Variants in AGBL4 observed in about 807,000 individuals in gnomAD.
The protein encoded by AGBL4 is AGBL carboxypeptidase 4.
AGBL4 carries 58 observed loss-of-function variants against 66.4 expected under a neutral mutation model. The ratio of observed to expected loss-of-function variants is 0.87; its 90% CI spans 0.71 to 1.09. AGBL4 has a LOEUF of 1.09. AGBL4 is among the 50% of genes least tolerant of loss of function. The probability of loss-of-function intolerance (pLI) is 0.00; values close to 1 mark genes in which losing one functional copy is unlikely to be tolerated. For synonymous variants in AGBL4, 234 were observed against 222.9 expected (o/e 1.05, Z -0.44); for missense variants, 579 against 631.0 (o/e 0.92, Z 0.88).
At chr1:49,057,355 C>T (rs1644326347) in intron 4 of AGBL4, among the ~76,000 whole-genome samples, 1 of 152,110 alleles carries the variant, frequency 6.6e-6, no homozygotes, top group South Asian at 2.1e-4. Flanking sequence ...GAGGTTCAGG[C>T]TGCAGTGAGC....
intron 2 of AGBL4, among the ~76,000 whole-genome samples, chr1:49,737,318 G>A (rs1174841110): frequency 6.6e-6 from 1 of 152,072 alleles, no homozygotes; most frequent in Non-Finnish European, 1.5e-5. Context: ...TAAAGAAAAT[G>A]CGGTACATAT....
intron 3 of AGBL4, among the ~76,000 whole-genome samples, chr1:49,431,084 G>A (rs1021544331): frequency 6.6e-6 from 1 of 152,126 alleles, no homozygotes; most frequent in Non-Finnish European, 1.5e-5. Context: ...ATAATAAATA[G>A]TGCTGCTATG....
intron 3 of AGBL4, among the ~76,000 whole-genome samples, chr1:49,248,174 A>G (rs1651789936): frequency 6.6e-6 from 1 of 152,226 alleles, no homozygotes; most frequent in Admixed American, 6.5e-5. Flanking sequence ...ATGAATAAGA[A>G]GATGTGGCAT....
At chr1:49,123,014 C>A (rs7552174) in intron 4 of AGBL4, among the ~76,000 whole-genome samples, 6,381 of 152,020 alleles carry the variant, frequency 0.042, 172 homozygotes, top group East Asian at 0.074. Flanking sequence ...CAACCATGCC[C>A]AGCTAATTTT....
chr1:49,154,476 T>C (rs1377982025), intron 4 of AGBL4, among the ~76,000 whole-genome samples: 8 of 152,126 alleles, frequency 5.3e-5, no homozygotes, highest in Non-Finnish European at 1.2e-4. Flanking sequence ...TAGACTGACC[T>C]CAACACTGCA....
At chr1:48,650,764 T>C (rs1302645523) in intron 8 of AGBL4, among the ~76,000 whole-genome samples, 3 of 152,182 alleles carry the variant, frequency 2.0e-5, no homozygotes, top group African/African-American at 7.2e-5. Context: ...ACAGGGAGGA[T>C]GTGGACCCCC....
At chr1:48,861,932 C>A (rs1267779768) in intron 6 of AGBL4, among the ~76,000 whole-genome samples, 1 of 152,174 alleles carries the variant, frequency 6.6e-6, no homozygotes, top group Non-Finnish European at 1.5e-5. Flanking sequence ...CTCTTCTTTT[C>A]TCATTTCCCT....
intron 4 of AGBL4, among the ~76,000 whole-genome samples, chr1:49,215,326 G>A (rs910864495): frequency 6.6e-6 from 1 of 152,034 alleles, no homozygotes; most frequent in Non-Finnish European, 1.5e-5. Flanking sequence ...GAATGTAAGG[G>A]CACCAAATCT....
rs569651469 is a variant in AGBL4, at chr1:49,340,402, G to T, written c.283-94538C>A. Among the ~76,000 whole-genome samples, 17 of 152,068 alleles carry T rather than the reference G, an allele frequency of 1.1e-4. No homozygotes were observed. In the South Asian group the frequency reaches 3.5e-3, roughly 32 times the overall value. ...ATTTAGCCTCTAGTGTTAATAAATT[G>T]ACACTGTTTTTTAATAAAGCCAAAT... On this transcript the variant is annotated intron_variant, in intron 3 of 13. Coordinates refer to ENST00000371839, the MANE Select transcript of AGBL4 (RefSeq NM_032785.4).
intron 6 of AGBL4, among the ~76,000 whole-genome samples, chr1:48,729,107 A>AT (rs150746810): frequency 0.019 from 2,817 of 150,852 alleles, 81 homozygotes; most frequent in African/African-American, 0.057. Context: ...ACTACAGAGC[A>AT]TTTTTTTTTA....
chr1:49,053,554 A>C (rs1644257797), intron 4 of AGBL4, among the ~76,000 whole-genome samples: 1 of 152,190 alleles, frequency 6.6e-6, no homozygotes, highest in African/African-American at 2.4e-5. Flanking sequence ...GTGGAAAATA[A>C]TTGGTTAGGA....
chr1:48,746,610 G>A (rs1366505671), intron 6 of AGBL4, among the ~76,000 whole-genome samples: 1 of 152,200 alleles, frequency 6.6e-6, no homozygotes, highest in Non-Finnish European at 1.5e-5. Context: ...CTCCTTCCAG[G>A]ACATTGTCTA....
intron 5 of AGBL4, among the ~76,000 whole-genome samples, chr1:48,903,133 A>G (rs955138320): frequency 1.3e-5 from 2 of 152,216 alleles, no homozygotes; most frequent in Non-Finnish European, 2.9e-5. Context: ...TCCTTTTATC[A>G]GAGCAAATAT....
At chr1:49,094,039 G>A (rs975658981) in intron 4 of AGBL4, among the ~76,000 whole-genome samples, 3 of 152,168 alleles carry the variant, frequency 2.0e-5, no homozygotes, top group Non-Finnish European at 2.9e-5. Context: ...TTTTCGCATA[G>A]TTTTGTGAGA....
At chr1:49,627,344 A>G (rs955768487) in intron 3 of AGBL4, among the ~76,000 whole-genome samples, 4 of 152,130 alleles carry the variant, frequency 2.6e-5, no homozygotes, top group African/African-American at 4.8e-5. Flanking sequence ...ACCATGGAAG[A>G]GGCACTAAAT....
At chr1:48,580,294 C>G (rs1644719982) in intron 11 of AGBL4, among the ~76,000 whole-genome samples, 1 of 152,230 alleles carries the variant, frequency 6.6e-6, no homozygotes, top group Non-Finnish European at 1.5e-5. Flanking sequence ...ACTGCCCATG[C>G]TGTCTCATGA....
intron 3 of AGBL4, among the ~76,000 whole-genome samples, chr1:49,666,121 T>G (rs1646362407): frequency 6.6e-6 from 1 of 152,038 alleles, no homozygotes; most frequent in Non-Finnish European, 1.5e-5. Context: ...CACACCTAGC[T>G]TTAAGTTTTC....
chr1:48,743,218 T>A (rs1182769414), intron 6 of AGBL4, among the ~76,000 whole-genome samples: 1 of 152,096 alleles, frequency 6.6e-6, no homozygotes, highest in East Asian at 1.9e-4. Flanking sequence ...TGGGCAAAAA[T>A]GTTAAGGCCT....
chr1:48,676,070 G>T (rs926940310), intron 6 of AGBL4, among the ~76,000 whole-genome samples: 1 of 152,168 alleles, frequency 6.6e-6, no homozygotes, highest in Non-Finnish European at 1.5e-5. Context: ...TTATACCTGG[G>T]GTACATGGAA....
Sources: allele counts gnomAD v4.1 joint callset (sites outside exome capture counted in the v4.1 genomes callset), GRCh38; gene constraint gnomAD v4.1.1; transcripts MANE v1.5; gene names NCBI Gene and HGNC (gene_info 2026-07-23, HGNC 2026-07-21).